TRPM8: variants seen among roughly 807,000 people sequenced by gnomAD.
TRPM8 encodes the protein transient receptor potential cation channel subfamily M member 8, also known as TRPM8 cationic channel.
A neutral mutation model predicts 133.7 loss-of-function variants in TRPM8; 110 were observed. The observed-to-expected ratio is 0.82, with a 90% CI of 0.70 to 0.96. The LOEUF is 0.96. TRPM8 is among the 40% of genes least tolerant of loss of function. The pLI is 0.00. For missense variants in TRPM8, 1,291 were observed against 1,379.5 expected, an observed-to-expected ratio of 0.94 and a Z score of 1.02; for synonymous variants, 535 against 532.3, an observed-to-expected ratio of 1.01 and a Z score of -0.07.
At chr2:233,965,702 A>C (rs1294240964) in intron 14 of TRPM8, among the ~76,000 whole-genome samples, 1 of 152,184 alleles carries the variant, frequency 6.6e-6, no homozygotes, top group Non-Finnish European at 1.5e-5. Flanking sequence ...AATTTATTAA[A>C]ATTTCAAAGC....
intron 2 of TRPM8, 66 bp from the exon 3 acceptor site, chr2:233,930,602 T>C: frequency 1.9e-6 from 2 of 1,062,562 alleles, no homozygotes; most frequent in South Asian, 3.0e-5. Context: ...ATATTTAGTA[T>C]TCATCAATAT....
intron 25 of TRPM8, among the ~76,000 whole-genome samples, chr2:234,015,053 A>G (rs1253641755): frequency 1.3e-5 from 2 of 152,330 alleles, no homozygotes; most frequent in Admixed American, 6.5e-5. Flanking sequence ...GCACCCAAAG[A>G]TGTCTTATTC....
intron 22 of TRPM8, among the ~76,000 whole-genome samples, chr2:234,005,052 G>T (rs1275086607): frequency 1.3e-5 from 2 of 152,180 alleles, no homozygotes; most frequent in Non-Finnish European, 2.9e-5. Flanking sequence ...CTATGTTAAA[G>T]AGTTCTATGC....
At chr2:233,921,639 CT>C (rs71058584) in intron 1 of TRPM8, among the ~76,000 whole-genome samples, 128 of 143,654 alleles carry the variant, frequency 8.9e-4, no homozygotes, top group African/African-American at 3.2e-3. Context: ...TTTTTCTTTT[CT>C]TTTTTTTCTT....
At chr2:233,985,968 T>C (rs1325421508) in intron 21 of TRPM8, 103 bp downstream of exon 21, 8 of 1,098,004 alleles carry the variant, frequency 7.3e-6, no homozygotes, top group Middle Eastern at 2.1e-4. Flanking sequence ...TTGAGGAACA[T>C]ACTTTAGAGA....
intron 22 of TRPM8, 86 bp downstream of exon 22, chr2:233,996,602 G>C (rs1393994584): frequency 8.0e-7 from 1 of 1,244,802 alleles, no homozygotes; most frequent in East Asian, 2.3e-5. Flanking sequence ...CAACAGGAAG[G>C]AATTATTCAC....
chr2:234,017,922 A>G lies in TRPM8; in HGVS notation c.*666A>G, dbSNP rs920532605. On this transcript the variant is annotated 3_prime_UTR_variant, in exon 26 of 26. Transcript: ENST00000324695. ...CCACCCCCATTCCTAAATATGTGAA[A>G]AGTCGCCCAAAATGCAACCTTGAAA... 2.6e-5 allele frequency: 4 copies of G among 152,148 alleles called. No individual in the cohort carries two copies. 9.4% of individuals were successfully genotyped at this position (152,148 alleles called of 1,614,324 possible).
chr2:233,946,551 C>T (rs914779754), intron 7 of TRPM8, among the ~76,000 whole-genome samples: 2 of 152,208 alleles, frequency 1.3e-5, no homozygotes, highest in African/African-American at 4.8e-5. Flanking sequence ...CTCTCTCTTC[C>T]TGTGGACAGG....
rs183589940 is a variant in TRPM8 at position 233,948,588 on chromosome 2, A to C, written c.943-1361A>C. 1.5e-3 allele frequency among the ~76,000 whole-genome samples: 221 copies of C among 152,346 alleles called. 2 individuals carry two copies. Among genetic ancestry groups the C allele is most frequent in the Non-Finnish European group, 2.7e-3 (182 of 68,028 alleles). On this transcript the variant is annotated intron_variant, in intron 8 of 25. Coordinates refer to ENST00000324695, the MANE Select transcript of TRPM8 (RefSeq NM_024080.5). ...CAGATCAAATATTAGATTTGGAATG[A>C]AGATTTCTTGGCCTAGGGGGTAGGG...
intron 17 of TRPM8, among the ~76,000 whole-genome samples, chr2:233,974,246 T>A (rs1691807172): frequency 6.6e-6 from 1 of 152,142 alleles, no homozygotes; most frequent in Admixed American, 6.5e-5. Context: ...TTTGTTGTTT[T>A]TTTTTGAGAC....
At chr2:233,924,315 G>A (rs1008023305) in intron 1 of TRPM8, among the ~76,000 whole-genome samples, 3 of 152,148 alleles carry the variant, frequency 2.0e-5, no homozygotes, top group Admixed American at 2.0e-4. Context: ...CCAAGGGATC[G>A]GCTTTCTCCC....
At chr2:233,950,249 G>A (rs999230338) in intron 9 of TRPM8, 103 bp downstream of exon 9, 3 of 1,208,520 alleles carry the variant, frequency 2.5e-6, no homozygotes, top group Non-Finnish European at 3.5e-6. Context: ...GCACGTGTTT[G>A]GTATTTTCTC....
intron 2 of TRPM8, 99 bp from the exon 3 acceptor site, chr2:233,930,569 A>T (rs1276488754): frequency 1.3e-6 from 1 of 741,910 alleles, no homozygotes; most frequent in Admixed American, 2.6e-5. Context: ...AAATTCTTAA[A>T]GCCTTTGAAG....
intron 12 of TRPM8, among the ~76,000 whole-genome samples, chr2:233,962,692 A>G (rs1160733265): frequency 2.6e-5 from 4 of 152,234 alleles, no homozygotes; most frequent in Non-Finnish European, 2.9e-5. Context: ...TATGCATAAT[A>G]TGCCTCGTGC....
chr2:233,999,693 A>G lies in TRPM8; in HGVS notation c.3130+3177A>G, dbSNP rs571982805. On this transcript the variant is annotated intron_variant, in intron 22 of 25. Transcript: ENST00000324695. ...CAGAAATGCGTGGCGCCCTTGGAGC[A>G]AGGTGCATGGGGGCTTACCTCTCAT... Among the ~76,000 whole-genome samples, 87 of 152,354 alleles carry G rather than the reference A, an allele frequency of 5.7e-4. 1 individual carries two copies. In the South Asian group the frequency reaches 7.7e-3, roughly 13 times the overall value.
chr2:233,936,890 CCTTT>C (rs1690756807), intron 3 of TRPM8, among the ~76,000 whole-genome samples: 1 of 123,044 alleles, frequency 8.1e-6, no homozygotes, highest in African/African-American at 2.9e-5. Flanking sequence ...TTCTTTCTTT[CCTTT>C]TTTTTTTTTT....
chr2:233,918,284 T>C (rs2125017013), intron 1 of TRPM8, among the ~76,000 whole-genome samples: 1 of 150,122 alleles, frequency 6.7e-6, no homozygotes, highest in East Asian at 1.9e-4. Context: ...AAGCTGTTTA[T>C]TATTATTTAT....
At chr2:233,999,507 C>CCGTGGCCCTGTTTGGCCAT (rs568626094) in intron 22 of TRPM8, among the ~76,000 whole-genome samples, 30 of 152,200 alleles carry the variant, frequency 2.0e-4, no homozygotes, top group African/African-American at 6.0e-4. Context: ...GTGGAAGAAT[C>CCGTGGCCCTGTTTGGCCAT]CGTGGCCCTG....
At chr2:233,997,894 A>T (rs1038925093) in intron 22 of TRPM8, among the ~76,000 whole-genome samples, 1 of 152,126 alleles carries the variant, frequency 6.6e-6, no homozygotes, top group African/African-American at 2.4e-5. Flanking sequence ...TGTCCTTTGA[A>T]TGCAGGGAGC....
Sources: allele counts gnomAD v4.1 joint callset (sites outside exome capture counted in the v4.1 genomes callset), GRCh38; gene constraint gnomAD v4.1.1; transcripts MANE v1.5; gene names NCBI Gene and HGNC (gene_info 2026-07-23, HGNC 2026-07-21).